Variants in RYR2 observed in about 807,000 individuals in gnomAD.
RYR2 encodes ryanodine receptor 2.
RYR2 carries 227 observed loss-of-function variants against 601.1 expected under a neutral mutation model. That is an observed-to-expected ratio of 0.38 (90% CI 0.34 to 0.42). The LOEUF (loss-of-function observed/expected upper bound fraction) is 0.42. Among genes scored for constraint, RYR2 ranks in the 10% least tolerant of loss-of-function variants. The pLI is 1.00. For missense variants in RYR2, 4,646 were observed against 6,156.5 expected (o/e 0.75, Z 8.21); for synonymous variants, 2,223 against 2,175.1 (o/e 1.02, Z -0.61).
chr1:237,165,590 A>C (rs1317511107), intron 1 of RYR2, among the ~76,000 whole-genome samples: 1 of 152,186 alleles, frequency 6.6e-6, no homozygotes, highest in Admixed American at 6.5e-5. Flanking sequence ...GAGGCTGGGC[A>C]TGGTGGCTCA....
chr1:237,331,169 A>G lies in RYR2; in HGVS notation c.273+187A>G, dbSNP rs760221175. 6.6e-5 allele frequency among the ~76,000 whole-genome samples: 10 copies of G among 152,304 alleles called. No individual in the cohort carries two copies. The South Asian group carries it at 1.4e-3, about 22-fold the overall frequency. On this transcript the variant is annotated intron_variant, in intron 3 of 104. Coordinates refer to ENST00000366574, the MANE Select transcript of RYR2 (RefSeq NM_001035.3). ...TTGTGGTGTCTTGAAAACTAAAAAA[A>G]TATATCCAAGCTTGATGTGATCTGT...
At chr1:237,137,254 C>G (rs1672896547) in intron 1 of RYR2, among the ~76,000 whole-genome samples, 2 of 152,114 alleles carry the variant, frequency 1.3e-5, no homozygotes, top group Non-Finnish European at 2.9e-5. Context: ...GGGTCAGTGA[C>G]AGTGGGGCAT....
intron 29 of RYR2, among the ~76,000 whole-genome samples, chr1:237,572,755 G>T (rs1014754503): frequency 3.3e-5 from 5 of 152,074 alleles, no homozygotes; most frequent in Non-Finnish European, 7.3e-5. Flanking sequence ...CTTTGTAGGG[G>T]TCAGTCATGA....
chr1:237,429,655 T>C (rs2150090788), intron 12 of RYR2, among the ~76,000 whole-genome samples: 1 of 152,314 alleles, frequency 6.6e-6, no homozygotes, highest in Non-Finnish European at 1.5e-5. Flanking sequence ...TGGAGGTTGA[T>C]GAATGCCTGT....
rs534507586 is a variant in RYR2, at chr1:237,571,096, C to G, written c.3598+1777C>G. Among the ~76,000 whole-genome samples the G allele has an allele frequency of 6.1e-4, 93 of 152,202 alleles. No homozygotes were observed. In the South Asian group the frequency reaches 0.019, roughly 30 times the overall value. On this transcript the variant is annotated intron_variant, in intron 29 of 104. Coordinates refer to ENST00000366574, the MANE Select transcript of RYR2 (RefSeq NM_001035.3). ...TGAGCTGTGATTGTGCCACTGTACT[C>G]CAGCCTGGGTGACAGAGTGAGACCT...
chr1:237,243,062 T>G (rs1379332870), intron 1 of RYR2, among the ~76,000 whole-genome samples: 3 of 151,458 alleles, frequency 2.0e-5, no homozygotes, highest in Non-Finnish European at 4.4e-5. Flanking sequence ...CCCAGGTGTT[T>G]CCAAAATAAC....
chr1:237,493,877 C>T (rs938576480), intron 19 of RYR2, among the ~76,000 whole-genome samples: 3 of 152,180 alleles, frequency 2.0e-5, no homozygotes, highest in African/African-American at 2.4e-5. Context: ...AGGCACCTAA[C>T]GTTCATTGAA....
rs559839239 is a variant in RYR2 at position 237,159,697 on chromosome 1, A to C, written c.49-110800A>C. On this transcript the variant is annotated intron_variant, in intron 1 of 104. Transcript: ENST00000366574. ...ACTACTACTAGTAGTACTACTACTAATAATAGAAAATAAATATGTACTTAG... is the reference window on the plus strand; with the variant it reads ...ACTACTACTAGTAGTACTACTACTACTAATAGAAAATAAATATGTACTTAG... Among the ~76,000 whole-genome samples the C allele has an allele frequency of 1.6e-3, 248 of 152,314 alleles. 1 individual carries two copies. The highest frequency in any genetic ancestry group is 2.9e-3 in the South Asian group (14 of 4,820).
At chr1:237,367,915 A>G (rs1700334124) in intron 5 of RYR2, among the ~76,000 whole-genome samples, 1 of 152,188 alleles carries the variant, frequency 6.6e-6, no homozygotes. Flanking sequence ...TCACGCTCAT[A>G]GCTGGAGGTG....
At chr1:237,830,448 A>G in intron 102 of RYR2, 82 bp from the exon 103 acceptor site, 1 of 825,656 alleles carries the variant, frequency 1.2e-6, no homozygotes, top group Non-Finnish European at 2.1e-6. Flanking sequence ...ACCAAATAAT[A>G]GCTGCCCCTA....
intron 17 of RYR2, among the ~76,000 whole-genome samples, chr1:237,487,919 T>C (rs1358798252): frequency 6.6e-6 from 1 of 152,042 alleles, no homozygotes; most frequent in Non-Finnish European, 1.5e-5. Flanking sequence ...TCTGACCTGA[T>C]AGAATTGAAA....
In RYR2 at chr1:237,514,042, A is replaced by G. The variant is rs575113527; in HGVS notation, c.2822+2251A>G. Among the ~76,000 whole-genome samples, 6 of 152,352 alleles carry G rather than the reference A, an allele frequency of 3.9e-5. No homozygotes were observed. In the South Asian group the frequency reaches 8.3e-4, roughly 21 times the overall value. ...AAGGTTTGCTTGTAATAAAGAATGC[A>G]TAACGAGCCCTGTGTCCTGAGTACG... On this transcript the variant is annotated intron_variant, in intron 24 of 104. Transcript: ENST00000366574.
intron 1 of RYR2, among the ~76,000 whole-genome samples, chr1:237,120,481 A>G (rs1037532458): frequency 5.9e-5 from 9 of 152,228 alleles, no homozygotes; most frequent in African/African-American, 2.2e-4. Context: ...ATAGGGGCCC[A>G]GAATTTTCTA....
intron 60 of RYR2, among the ~76,000 whole-genome samples, chr1:237,675,160 T>C (rs1685287816): frequency 6.6e-6 from 1 of 152,204 alleles, no homozygotes; most frequent in Non-Finnish European, 1.5e-5. Context: ...ATCTCGCCTA[T>C]GAAATCAGTT....
intron 17 of RYR2, among the ~76,000 whole-genome samples, chr1:237,489,974 A>G (rs1387107121): frequency 6.6e-6 from 1 of 152,230 alleles, no homozygotes; most frequent in Non-Finnish European, 1.5e-5. Flanking sequence ...AATGTGGTAC[A>G]TATACACCAT....
chr1:237,406,703 A>G lies in RYR2; in HGVS notation c.774-10346A>G, dbSNP rs144994027. Reference sequence around the variant, plus strand: ...ATTTGTTGAGCTAGAATACCTAATGATTTTTAAAAAATTAATAGACTTTAT... The same window carrying G: ...ATTTGTTGAGCTAGAATACCTAATGGTTTTTAAAAAATTAATAGACTTTAT... On this transcript the variant is annotated intron_variant, in intron 10 of 104. Transcript: ENST00000366574. 9.1e-3 allele frequency among the ~76,000 whole-genome samples: 1,386 copies of G among 152,256 alleles called. 33 individuals carry two copies. The highest frequency in any genetic ancestry group is 0.032 in the African/African-American group (1,324 of 41,552).
chr1:237,539,716 T>C (rs934148876), intron 25 of RYR2, among the ~76,000 whole-genome samples: 7 of 152,038 alleles, frequency 4.6e-5, no homozygotes, highest in African/African-American at 1.7e-4. Context: ...AGGGAGAGCA[T>C]TAGGAAAAAG....
At chr1:237,119,616 G>A (rs924387771) in intron 1 of RYR2, among the ~76,000 whole-genome samples, 9 of 152,118 alleles carry the variant, frequency 5.9e-5, no homozygotes, top group Admixed American at 1.3e-4. Context: ...GGATCACATC[G>A]GATGAATGGA....
At chr1:237,654,439 T>C in intron 52 of RYR2, 25 bp downstream of exon 52, 1 of 1,611,454 alleles carries the variant, frequency 6.2e-7, no homozygotes, top group South Asian at 1.1e-5. Context: ...TGTGGGTTTG[T>C]TTGTATCAAT....
Sources: gnomAD v4.1 joint callset for allele counts (sites outside exome capture counted in the v4.1 genomes callset) on GRCh38, gnomAD v4.1.1 for gene constraint, MANE v1.5 for transcripts, NCBI Gene and HGNC (gene_info 2026-07-23, HGNC 2026-07-21) for gene names.